MAGEB6B: variants seen among roughly 807,000 people sequenced by gnomAD.
The protein encoded by MAGEB6B is melanoma-associated antigen B6B.
For missense variants in MAGEB6B, 277 were observed against 251.5 expected (o/e 1.10, Z -0.69); for synonymous variants, 107 against 102.3 (o/e 1.05, Z -0.27).
rs758998503 is a variant in MAGEB6B at position 26,161,025 on chromosome X, C to A, written c.425C>A (p.Ala142Asp). The change falls in exon 1 of 1, where the codon GCC becomes GAC. Residue 142 changes from alanine (A) to aspartate (D), a missense_variant. Transcript: ENST00000416929. ...AAAAGTCCAAGCACCTCCCGTGATG[C>A]CTCTGTTCCTCAGGAGTCTCAGGGA... is the stretch of plus-strand genomic sequence containing the variant. 5 of 949,120 alleles carry A rather than the reference C, an allele frequency of 5.3e-6. No individual in the cohort carries two copies. The Admixed American group carries it at 1.1e-4, about 21-fold the overall frequency. The allele number at this position is 949,120 out of a possible 1,213,427, so 78.2% of individuals were successfully genotyped here.
exon 1 of MAGEB6B, chrX:26,161,223 A>G (rs1928685651): frequency 2.7e-6 from 2 of 735,717 alleles, no homozygotes; most frequent in Non-Finnish European, 2.2e-6. Context: ...TTCCTGCAGA[A>G]GAAGTTTGAG....
exon 1 of MAGEB6B, chrX:26,160,754 C>T (rs369170963): frequency 5.2e-6 from 3 of 578,719 alleles, no homozygotes; most frequent in African/African-American, 2.2e-5. Flanking sequence ...TCAGGGTGCT[C>T]GTCGTAGGTC....
downstream of MAGEB6B, among the ~76,000 whole-genome samples, chrX:26,162,223 A>G (rs113282459): frequency 0.082 from 9,170 of 111,904 alleles, 920 homozygotes; most frequent in African/African-American, 0.28. Flanking sequence ...TCAGAACTAG[A>G]TAACATGATA....
chrX:26,160,609 G>T (rs374369761), exon 1 of MAGEB6B: 2 of 568,143 alleles, frequency 3.5e-6, no homozygotes, highest in Non-Finnish European at 6.5e-6. Flanking sequence ...CCATGCCTCG[G>T]GGTCAGAAGA....
chrX:26,160,712 T>C (rs1445633964), exon 1 of MAGEB6B: 3 of 572,133 alleles, frequency 5.2e-6, no homozygotes, highest in Non-Finnish European at 6.4e-6. Flanking sequence ...ACAAGAAGAG[T>C]CTCGCTCTTC....
At chrX:26,161,787 C>T (rs746213706) in exon 1 of MAGEB6B, 25 of 1,208,736 alleles carry the variant, frequency 2.1e-5, no homozygotes, top group South Asian at 1.2e-4. Flanking sequence ...GACGCTTTGA[C>T]AGATGAGGTA....
chrX:26,162,025 G>C (rs867436351), downstream of MAGEB6B, among the ~76,000 whole-genome samples: 2 of 112,374 alleles, frequency 1.8e-5, no homozygotes, highest in Non-Finnish European at 3.8e-5. Context: ...TGAGTAACTT[G>C]TAGATTTATG....
downstream of MAGEB6B, chrX:26,161,871 T>C (rs1189587386): frequency 8.9e-7 from 1 of 1,122,398 alleles, no homozygotes; most frequent in Non-Finnish European, 1.2e-6. Context: ...TATGGGGCCA[T>C]ATCCTACAGA....
At chrX:26,161,907 A>G (rs944948727), downstream of MAGEB6B, 61 of 988,480 alleles carry the variant, frequency 6.2e-5, no homozygotes, top group African/African-American at 9.6e-4. Flanking sequence ...GGAGGTCTGA[A>G]GTAGAATTTT....
At chrX:26,161,850 C>T, downstream of MAGEB6B, 1 of 1,174,203 alleles carries the variant, frequency 8.5e-7, no homozygotes, top group Non-Finnish European at 1.2e-6. Flanking sequence ...GTTCCCTTGG[C>T]CAGGGCACCT....
At chrX:26,161,490 T>G in exon 1 of MAGEB6B, 4 of 1,200,150 alleles carry the variant, frequency 3.3e-6, no homozygotes, top group Non-Finnish European at 4.5e-6. Flanking sequence ...TTGATCTTCA[T>G]GAGAGGCAAC....
At chrX:26,161,946 C>T (rs866323717), downstream of MAGEB6B, 34 of 656,192 alleles carry the variant, frequency 5.2e-5, no homozygotes, top group East Asian at 9.1e-4. Flanking sequence ...AGTAGTGAGC[C>T]TTCTAAGTAG....
At chrX:26,160,853 G>A (rs760405416) in exon 1 of MAGEB6B, 2 of 611,355 alleles carry the variant, frequency 3.3e-6, no homozygotes, top group East Asian at 6.5e-5. Flanking sequence ...ATATGATGTG[G>A]CTGCCATGGG....
exon 1 of MAGEB6B, chrX:26,161,328 A>C: frequency 3.1e-6 from 2 of 648,745 alleles, no homozygotes; most frequent in Non-Finnish European, 5.2e-6. Context: ...ACCTCCGAAC[A>C]TTTGACGGTG....
exon 1 of MAGEB6B, chrX:26,160,858 C>T (rs1402659430): frequency 3.3e-6 from 2 of 610,836 alleles, no homozygotes; most frequent in African/African-American, 4.4e-5. Context: ...ATGTGGCTGC[C>T]ATGGGTCAAG....
At chrX:26,161,314 G>A in exon 1 of MAGEB6B, 1 of 641,857 alleles carries the variant, frequency 1.6e-6, no homozygotes, top group Non-Finnish European at 2.7e-6. Flanking sequence ...AGATCCTCAA[G>A]AGAACCTCCG....
At chrX:26,161,184 T>A in exon 1 of MAGEB6B, 1 of 764,956 alleles carries the variant, frequency 1.3e-6, no homozygotes, top group Non-Finnish European at 2.0e-6. Flanking sequence ...GGAGATCCTA[T>A]AAAAAGGAAG....
At chrX:26,160,608 G>A (rs765781855) in exon 1 of MAGEB6B, 3 of 565,369 alleles carry the variant, frequency 5.3e-6, no homozygotes, top group East Asian at 3.3e-5. Flanking sequence ...ACCATGCCTC[G>A]GGGTCAGAAG....
exon 1 of MAGEB6B, chrX:26,160,672 T>A (rs1157785077): frequency 1.7e-6 from 1 of 571,654 alleles, no homozygotes. Context: ...AGCCGCAAGG[T>A]CTCACAGGTC....
Sources: allele counts gnomAD v4.1 joint callset (sites outside exome capture counted in the v4.1 genomes callset), GRCh38; gene constraint gnomAD v4.1.1; transcripts MANE v1.5; gene names NCBI Gene and HGNC (gene_info 2026-07-23, HGNC 2026-07-21).